The following SUPT7L variants were observed in gnomAD, a reference collection of about 807,000 sequenced individuals.
SUPT7L encodes SPT7 like, STAGA complex subunit gamma.
In SUPT7L, 15 loss-of-function variants were observed where a neutral mutation model predicts 35.7. The ratio of observed to expected loss-of-function variants is 0.42; its 90% CI spans 0.28 to 0.65. SUPT7L has a LOEUF of 0.65. Ranked by LOEUF, SUPT7L falls within the 30% of genes least tolerant of loss-of-function variation. The pLI is 0.23. For synonymous variants in SUPT7L, 168 were observed against 186.2 expected (o/e 0.90, Z 0.79); for missense variants, 434 against 522.2 (o/e 0.83, Z 1.65).
chr2:27,642,675 TGCCTCA>T, the SUPT7L span, among the ~76,000 whole-genome samples: 1 of 152,168 alleles, frequency 6.6e-6, no homozygotes, highest in Non-Finnish European at 1.5e-5. Context: ...GCAGTTCTCC[TGCCTCA>T]GCCTTCCTGA....
At chr2:27,658,688 T>C (rs534241353) in intron 3 of SUPT7L, among the ~76,000 whole-genome samples, 1 of 152,376 alleles carries the variant, frequency 6.6e-6, no homozygotes, top group East Asian at 1.9e-4. Context: ...ACCTGTTCAA[T>C]AGCAACTATT....
chr2:27,646,937 A>G (rs1376392336), downstream of SUPT7L, among the ~76,000 whole-genome samples: 2 of 152,246 alleles, frequency 1.3e-5, no homozygotes, highest in Non-Finnish European at 2.9e-5. Context: ...TCACTTCTGA[A>G]TATGTGAAGT....
rs1463008586 is a variant in SUPT7L at position 27,657,619 on chromosome 2, A to G, written c.470T>C (p.Leu157Pro). 2 of 1,614,162 alleles carry G rather than the reference A, an allele frequency of 1.2e-6. No homozygotes were observed. Among genetic ancestry groups the G allele is most frequent in the South Asian group, 1.1e-5 (1 of 91,082 alleles). Residue 157 changes from leucine (L) to proline (P), a missense_variant, in exon 4 of 6, where the codon CTC becomes CCC. Leu to Pro is a moderately conservative substitution (Grantham distance 98, BLOSUM62 -3). This residue lies in a region of SUPT7L where 198 missense variants were observed against 190.8 expected (regional missense o/e 1.04). Transcript: ENST00000337768. This position sits in a 1 kb window ranked among gnomAD's most constrained non-coding sequence, Gnocchi z 5.2. ...TELSWHSCRQ[L>P]LYQAVATILA... ...GATTGTGGCCACTGCCTGGTAGAGG[A>G]GCTGCCGACAGGAGTGCCAGCTGAG...
At chr2:27,653,900 C>G (rs930885105) in intron 5 of SUPT7L, among the ~76,000 whole-genome samples, 153 bp from the exon 6 acceptor site, 1 of 152,190 alleles carries the variant, frequency 6.6e-6, no homozygotes, top group Non-Finnish European at 1.5e-5. Flanking sequence ...GGTTGTTACT[C>G]TCTGCTTCAA....
At chr2:27,655,045 G>GGA (rs1335576155) in intron 5 of SUPT7L, among the ~76,000 whole-genome samples, 5 of 152,302 alleles carry the variant, frequency 3.3e-5, no homozygotes, top group Admixed American at 1.3e-4. Context: ...AAATACTAAA[G>GGA]GAGGAAGGGG....
chr2:27,658,295 G>T (rs1386071839), intron 3 of SUPT7L, among the ~76,000 whole-genome samples: 1 of 152,022 alleles, frequency 6.6e-6, no homozygotes, highest in Admixed American at 6.6e-5. Context: ...ATTTCTATTT[G>T]CCAGGAGAGG....
At chr2:27,648,140 T>G (rs888391466), downstream of SUPT7L, among the ~76,000 whole-genome samples, 1 of 152,206 alleles carries the variant, frequency 6.6e-6, no homozygotes, top group African/African-American at 2.4e-5. Context: ...AGGCCTTTCG[T>G]TGGTCTTGTG....
chr2:27,660,228 T>C (rs1396772192), intron 3 of SUPT7L, among the ~76,000 whole-genome samples: 2 of 152,004 alleles, frequency 1.3e-5, no homozygotes, highest in African/African-American at 2.4e-5. Context: ...TTTTATATTA[T>C]TATTTCTTTT....
Position 27,655,354 on chromosome 2 carries a change from A to G in SUPT7L, c.982+11T>C. ...TCCCAGAATCAAAGTGAGTAAGTTT[A>G]TTTGTCTTACTTGAAGCCTGTGGTG... On this transcript the variant is annotated intron_variant, in intron 5 of 5. Transcript: ENST00000337768. 6.5e-7 allele frequency: 1 copy of G among 1,528,906 alleles called. No homozygotes were observed. Among genetic ancestry groups the G allele is most frequent in the South Asian group, 1.3e-5 (1 of 78,092 alleles). The allele number at this position is 1,528,906 out of a possible 1,614,324, so 94.7% of individuals were successfully genotyped here.
the SUPT7L span, among the ~76,000 whole-genome samples, chr2:27,643,723 G>A: frequency 6.6e-6 from 1 of 152,090 alleles, no homozygotes; most frequent in Non-Finnish European, 1.5e-5. This position sits in a 1 kb window ranked among gnomAD's most constrained non-coding sequence, Gnocchi z 4.0. Context: ...GTTTAGGTTT[G>A]TCTCATGTTT....
At chr2:27,661,502 A>C in intron 2 of SUPT7L, 114 bp from the exon 3 acceptor site, 1 of 1,519,162 alleles carries the variant, frequency 6.6e-7, no homozygotes, top group East Asian at 2.3e-5. Flanking sequence ...GTAGTGAAAA[A>C]TACGAGGTCT....
downstream of SUPT7L, chr2:27,650,281 C>A (rs1431188599): frequency 1.7e-5 from 13 of 745,442 alleles, no homozygotes; most frequent in Non-Finnish European, 2.5e-5. Context: ...TACCTCTGAA[C>A]TGGGGGCTCC....
rs753469353 is a variant in SUPT7L at position 27,653,714 on chromosome 2, A to T, written c.1016T>A (p.Leu339Gln). 6.2e-7 allele frequency: 1 copy of T among 1,614,264 alleles called. No individual in the cohort carries two copies. Among genetic ancestry groups the T allele is most frequent in the East Asian group, 2.2e-5 (1 of 44,884 alleles). The change falls in exon 6 of 6, where the codon CTG becomes CAG. Residue 339 changes from leucine (L) to glutamine (Q), a missense_variant. Around this residue, in one of 3 missense-constraint regions of SUPT7L, gnomAD observed 159 missense variants for 217.1 expected, o/e 0.73. Transcript: ENST00000337768. ...AEVNASPLWN[L>Q]AHVKMEPQES... Reference sequence around the variant, plus strand: ...TTGAGGCTCCATTTTCACATGGGCCAGATTCCAAAGAGGAGAAGCATTTAC... The same window carrying T: ...TTGAGGCTCCATTTTCACATGGGCCTGATTCCAAAGAGGAGAAGCATTTAC...
chr2:27,644,715 T>TC, the SUPT7L span, among the ~76,000 whole-genome samples: 1 of 150,748 alleles, frequency 6.6e-6, no homozygotes, highest in Non-Finnish European at 1.5e-5. Context: ...AGTTTTTTTT[T>TC]TGGTAGTGTT....
At position 27,657,772 on chromosome 2, in the gene SUPT7L, C is replaced by G; in HGVS notation, c.420-103G>C. ...AATTCCAGTCAAGCCACTGGCCTAGCTTTCCAGGGAAATTCCATCCAAGTT... is the reference window on the plus strand; with the variant it reads ...AATTCCAGTCAAGCCACTGGCCTAGGTTTCCAGGGAAATTCCATCCAAGTT... On this transcript the variant is annotated intron_variant, in intron 3 of 5. Transcript: ENST00000337768. This position sits in a 1 kb window ranked among gnomAD's most constrained non-coding sequence, Gnocchi z 5.2. 8.8e-7 allele frequency: 1 copy of G among 1,139,642 alleles called. No homozygotes were observed. Among genetic ancestry groups the G allele is most frequent in the Non-Finnish European group, 1.2e-6 (1 of 818,682 alleles). 70.6% of individuals were successfully genotyped at this position (1,139,642 alleles called of 1,614,324 possible).
chr2:27,653,462 C>G lies in SUPT7L; in HGVS notation c.*23G>C. On this transcript the variant is annotated 3_prime_UTR_variant, in exon 6 of 6. Coordinates refer to ENST00000337768, the MANE Select transcript of SUPT7L (RefSeq NM_014860.3). Reference sequence around the variant, plus strand: ...TTCTGTTGGGTCTAGTAGGTCTGGACAAAACATCTCCCTCTTTTCCTTTTA... The same window carrying G: ...TTCTGTTGGGTCTAGTAGGTCTGGAGAAAACATCTCCCTCTTTTCCTTTTA... 3 of 1,607,988 alleles carry G rather than the reference C, an allele frequency of 1.9e-6. No individual in the cohort carries two copies.
At chr2:27,647,487 C>G (rs1674293531), downstream of SUPT7L, among the ~76,000 whole-genome samples, 1 of 152,188 alleles carries the variant, frequency 6.6e-6, no homozygotes, top group Non-Finnish European at 1.5e-5. Flanking sequence ...CACCAGCACA[C>G]TGGATCTGCT....
chr2:27,658,173 C>T (rs1416004332), intron 3 of SUPT7L, among the ~76,000 whole-genome samples: 1 of 152,150 alleles, frequency 6.6e-6, no homozygotes, highest in African/African-American at 2.4e-5. Flanking sequence ...GGGACCATTT[C>T]AAAACAGGGA....
In SUPT7L at chr2:27,661,344, C is replaced by CT; in HGVS notation, c.58dup (p.Ser20LysfsTer17). The CT allele has an allele frequency of 6.2e-7, 1 of 1,614,052 alleles. No individual in the cohort carries two copies. Among genetic ancestry groups the CT allele is most frequent in the South Asian group, 1.1e-5 (1 of 91,084 alleles). The stretch of plus-strand genomic sequence containing the variant: ...CTCCCGTGGGAGCAAATCGAAGGAA[C>CT]TTCTGTTGGTCTGGCTTGATGATAT... On this transcript the variant is annotated frameshift_variant, in exon 3 of 6. Coordinates refer to ENST00000337768, the MANE Select transcript of SUPT7L (RefSeq NM_014860.3). LOFTEE classifies it high-confidence loss of function.
Sources: gnomAD v4.1 joint callset for allele counts (sites outside exome capture counted in the v4.1 genomes callset) on GRCh38, gnomAD v4.1.1 for gene constraint, gnomAD v4.1.1 regional missense constraint, Gnocchi (gnomAD v3.1) non-coding constraint, MANE v1.5 for transcripts, NCBI Gene and HGNC (gene_info 2026-07-23, HGNC 2026-07-21) for gene names.